Variants in STARD9 observed in about 807,000 individuals in gnomAD.
The protein encoded by STARD9 is StAR related lipid transfer domain containing 9.
A neutral mutation model predicts 399.8 loss-of-function variants in STARD9; 346 were observed. The ratio of observed to expected loss-of-function variants is 0.87; its 90% confidence interval spans 0.79 to 0.95. The LOEUF (loss-of-function observed/expected upper bound fraction) is 0.95. STARD9 is among the 40% of genes least tolerant of loss of function. The probability of loss-of-function intolerance (pLI) is 0.00; values close to 1 mark genes in which losing one functional copy is unlikely to be tolerated. For missense variants in STARD9, 5,832 were observed against 5,667.5 expected (o/e 1.03, Z -0.93); for synonymous variants, 2,203 against 2,143.5 (o/e 1.03, Z -0.77).
chr15:42,719,340 C>A lies in STARD9; in HGVS notation c.14002-133C>A, dbSNP rs1595840338. The A allele has an allele frequency of 6.8e-5, 43 of 631,286 alleles. No homozygotes were observed. The East Asian group carries it at 1.1e-3, about 17-fold the overall frequency. 39.1% of individuals were successfully genotyped at this position (631,286 alleles called of 1,614,324 possible). On this transcript the variant is annotated intron_variant, in intron 32 of 32. Transcript: ENST00000290607. ...AGATCTGGATGGCAGAGCCCAGGGGCCTGTAAACACCAAACCACAATCTGA... is the reference window on the plus strand; with the variant it reads ...AGATCTGGATGGCAGAGCCCAGGGGACTGTAAACACCAAACCACAATCTGA...
intron 3 of STARD9, among the ~76,000 whole-genome samples, chr15:42,600,202 A>G (rs937142141): frequency 2.0e-5 from 3 of 152,196 alleles, no homozygotes; most frequent in Non-Finnish European, 4.4e-5. Flanking sequence ...TGGTACAATG[A>G]CAAAGTGGTT....
At chr15:42,633,229 T>C (rs964463744) in intron 3 of STARD9, among the ~76,000 whole-genome samples, 1 of 152,122 alleles carries the variant, frequency 6.6e-6, no homozygotes, top group Non-Finnish European at 1.5e-5. Flanking sequence ...TGTTTAATCT[T>C]CACAACAAAC....
intron 3 of STARD9, among the ~76,000 whole-genome samples, chr15:42,631,218 C>T (rs1012480862): frequency 2.0e-5 from 3 of 152,100 alleles, no homozygotes; most frequent in African/African-American, 7.2e-5. Context: ...ATGCTTATTG[C>T]TGTAAACTTT....
At chr15:42,677,366 G>A (rs1297161506) in intron 20 of STARD9, among the ~76,000 whole-genome samples, 3 of 152,224 alleles carry the variant, frequency 2.0e-5, no homozygotes, top group Non-Finnish European at 1.5e-5. Flanking sequence ...CAGAAATTGC[G>A]TGAAGGATGA....
At chr15:42,698,809 T>G (rs927093443) in intron 26 of STARD9, among the ~76,000 whole-genome samples, 2 of 152,182 alleles carry the variant, frequency 1.3e-5, no homozygotes, top group South Asian at 4.1e-4. Context: ...CATTTTCATA[T>G]GAGGTATGGA....
rs1449961517 is a variant in STARD9 at position 42,681,397 on chromosome 15, G to A, written c.1875-25G>A. The stretch of plus-strand genomic sequence containing the variant: ...GAGCTTGGTTTGCATTTCCCCTTGG[G>A]TAACCTCAGCCGCTTCTGTGACAGG... On this transcript the variant is annotated intron_variant, in intron 20 of 32. Transcript: ENST00000290607. 3.9e-6 allele frequency: 6 copies of A among 1,528,274 alleles called. No homozygotes were observed. In the African/African-American group the frequency reaches 5.5e-5, roughly 14 times the overall value. The allele number at this position is 1,528,274 out of a possible 1,614,324, so 94.7% of individuals were successfully genotyped here.
In STARD9 at chr15:42,661,042, A is replaced by G. The variant is rs1015925278; in HGVS notation, c.703-116A>G. On this transcript the variant is annotated intron_variant, in intron 9 of 32. Coordinates refer to ENST00000290607, the MANE Select transcript of STARD9 (RefSeq NM_020759.3). The stretch of plus-strand genomic sequence containing the variant: ...CCTGGTTTACATCACATTAGAATAC[A>G]GATTTGTTGAGTGAATTGGATAAAA... The G allele has an allele frequency of 4.3e-6, 3 of 701,454 alleles. No individual in the cohort carries two copies. In the African/African-American group the frequency reaches 5.3e-5, roughly 12 times the overall value. 43.5% of individuals were successfully genotyped at this position (701,454 alleles called of 1,614,324 possible). A position where few individuals can be genotyped will look rare whatever the true frequency, so the allele number is the denominator to read the frequency against.
chr15:42,677,653 G>A (rs1479804859), intron 20 of STARD9, among the ~76,000 whole-genome samples: 3 of 152,214 alleles, frequency 2.0e-5, no homozygotes, highest in Non-Finnish European at 4.4e-5. Flanking sequence ...AGACAAAACC[G>A]ATTCACGTCC....
intron 3 of STARD9, among the ~76,000 whole-genome samples, chr15:42,607,786 C>A (rs1423198661): frequency 2.0e-5 from 3 of 152,008 alleles, no homozygotes; most frequent in Non-Finnish European, 4.4e-5. Flanking sequence ...TATTTATTTA[C>A]CCCCCTCTGA....
chr15:42,593,277 G>A (rs1358074354), intron 3 of STARD9, among the ~76,000 whole-genome samples: 1 of 152,142 alleles, frequency 6.6e-6, no homozygotes, highest in African/African-American at 2.4e-5. Flanking sequence ...CTCCTGGTGA[G>A]GAACATCTGT....
At position 42,694,654 on chromosome 15, in the gene STARD9, G is replaced by T; in HGVS notation, c.12891G>T (p.Trp4297Cys). Residue 4297 changes from tryptophan (W) to cysteine (C), a missense_variant, in exon 24 of 33, where the codon TGG becomes TGT. This residue lies in a region of STARD9 where 5,828 missense variants were observed against 5,651.1 expected (regional missense o/e 1.03). Transcript: ENST00000290607. ...SLLPNKDLFI[W>C]DLDLPSRRRE... ...TGCCCAACAAAGATCTCTTCATCTG[G>T]GATCTTGACTTGCCCAGCAGACGCC... 6.5e-7 allele frequency: 1 copy of T among 1,537,192 alleles called. No individual in the cohort carries two copies. The highest frequency in any genetic ancestry group is 8.7e-7 in the Non-Finnish European group (1 of 1,146,880).
intron 18 of STARD9, 70 bp downstream of exon 18, chr15:42,675,034 G>C: frequency 7.1e-7 from 1 of 1,402,704 alleles, no homozygotes; most frequent in Non-Finnish European, 9.3e-7. Flanking sequence ...TGGGCCCAAA[G>C]AGCTCAGTGA....
Position 42,690,430 on chromosome 15 carries a change from T to G in STARD9, c.8852T>G (p.Leu2951Arg), listed in dbSNP as rs1330344876. The G allele has an allele frequency of 3.3e-6, 5 of 1,537,224 alleles. No homozygotes were observed. The South Asian group carries it at 5.9e-5, about 18-fold the overall frequency. The change falls in exon 23 of 33, where the codon CTT becomes CGT. Residue 2951 changes from leucine to arginine, a missense_variant. Leu to Arg is a moderately radical substitution (Grantham distance 102, BLOSUM62 -2). Transcript: ENST00000290607. ...SPSRGKESRT[L>R]PCRQPCSSQP... Reference sequence around the variant, plus strand: ...TCTAGAGGGAAAGAGAGCAGAACTCTTCCTTGCCGACAGCCATGCAGTTCT... The same window carrying G: ...TCTAGAGGGAAAGAGAGCAGAACTCGTCCTTGCCGACAGCCATGCAGTTCT...
intron 3 of STARD9, among the ~76,000 whole-genome samples, chr15:42,587,185 A>C (rs10162744): frequency 0.012 from 1,810 of 152,334 alleles, 47 homozygotes; most frequent in African/African-American, 0.042. Flanking sequence ...TGTCAAAGGA[A>C]CAACATTATC....
rs1391339319 is a variant in STARD9 at position 42,675,759 on chromosome 15, G to A, written c.1770+13G>A. 1.3e-6 allele frequency: 2 copies of A among 1,536,816 alleles called. No individual in the cohort carries two copies. Among genetic ancestry groups the A allele is most frequent in the Non-Finnish European group, 1.7e-6 (2 of 1,146,492 alleles). On this transcript the variant is annotated intron_variant, in intron 19 of 32. Coordinates refer to ENST00000290607, the MANE Select transcript of STARD9 (RefSeq NM_020759.3). Reference sequence around the variant, plus strand: ...GCAGCGAAGGCAGGTTAGCAGGGCTGTGTTTTCTAGGTTATTGCTGGCCTC... The same window carrying A: ...GCAGCGAAGGCAGGTTAGCAGGGCTATGTTTTCTAGGTTATTGCTGGCCTC...
At chr15:42,587,071 G>A (rs972524712) in intron 3 of STARD9, among the ~76,000 whole-genome samples, 2 of 152,010 alleles carry the variant, frequency 1.3e-5, no homozygotes, top group African/African-American at 4.8e-5. Flanking sequence ...GCCCAGGCTG[G>A]TCTTGAACTC....
At chr15:42,578,736 C>T (rs192471970) in intron 1 of STARD9, among the ~76,000 whole-genome samples, 17 of 151,784 alleles carry the variant, frequency 1.1e-4, no homozygotes, top group Admixed American at 1.1e-3. Context: ...TTCTGATTAT[C>T]AGTTTTTGAG....
chr15:42,643,846 CATCA>C (rs1428478347), intron 7 of STARD9, among the ~76,000 whole-genome samples: 5 of 152,310 alleles, frequency 3.3e-5, no homozygotes, highest in Admixed American at 2.0e-4. Context: ...GTATTTTCAT[CATCA>C]ATCAGTTTAA....
rs2058791412 is a variant in STARD9 at position 42,608,917 on chromosome 15, A to G, written c.234+23280A>G. On this transcript the variant is annotated intron_variant, in intron 3 of 32. Coordinates refer to ENST00000290607, the MANE Select transcript of STARD9 (RefSeq NM_020759.3). ...TCTGGATTCAGTCCATAGATTATGT[A>G]TTCATGTATTCAGTCAGTGTTAACC... Among the ~76,000 whole-genome samples, 3 of 152,230 alleles carry G rather than the reference A, an allele frequency of 2.0e-5. No homozygotes were observed. In the South Asian group the frequency reaches 6.2e-4, roughly 31 times the overall value.
Sources: allele counts gnomAD v4.1 joint callset (sites outside exome capture counted in the v4.1 genomes callset), GRCh38; gene constraint gnomAD v4.1.1; regional missense constraint gnomAD v4.1.1; transcripts MANE v1.5; gene names NCBI Gene and HGNC (gene_info 2026-07-23, HGNC 2026-07-21).